Variants in CHEK2 observed in about 807,000 individuals in gnomAD.
The protein encoded by CHEK2 is checkpoint kinase 2.
CHEK2 carries 71 observed loss-of-function variants against 69.1 expected under a neutral mutation model. That is an observed-to-expected ratio of 1.03 (90% confidence interval 0.85 to 1.25). The LOEUF is 1.25. Among genes scored for constraint, CHEK2 ranks in the 50% most tolerant of loss-of-function variants. The pLI, the probability that CHEK2 is intolerant of heterozygous loss-of-function variation, is 0.00. For missense variants in CHEK2, 664 were observed against 649.6 expected, an observed-to-expected ratio of 1.02 and a Z score of -0.24; for synonymous variants, 189 against 226.9, an observed-to-expected ratio of 0.83 and a Z score of 1.50.
intron 4 of CHEK2, among the ~76,000 whole-genome samples, chr22:28,722,031 A>G (rs978038716): frequency 1.3e-5 from 2 of 152,098 alleles, no homozygotes; most frequent in African/African-American, 2.4e-5. Flanking sequence ...ACGCCAGCCT[A>G]TAATTTTTAT....
At chr22:28,736,415 C>T (rs1169162062) in intron 1 of CHEK2, among the ~76,000 whole-genome samples, 1 of 152,198 alleles carries the variant, frequency 6.6e-6, no homozygotes, top group Non-Finnish European at 1.5e-5. Flanking sequence ...AATCTATATT[C>T]CCTGACACCT....
chr22:28,719,264 A>T, intron 5 of CHEK2, 131 bp downstream of exon 5: 2 of 503,488 alleles, frequency 4.0e-6, no homozygotes, highest in Non-Finnish European at 7.1e-6. Flanking sequence ...AAAATAAAAA[A>T]TAATACACAA....
intron 8 of CHEK2, among the ~76,000 whole-genome samples, chr22:28,702,547 T>C (rs2052925602): frequency 6.7e-6 from 1 of 148,638 alleles, no homozygotes; most frequent in Non-Finnish European, 1.5e-5. Context: ...CTTTTTTTTT[T>C]TTTTTTTTTA....
intron 8 of CHEK2, 102 bp downstream of exon 8, chr22:28,703,403 G>A (rs1226119659): frequency 4.2e-6 from 3 of 717,826 alleles, no homozygotes; most frequent in African/African-American, 3.6e-5. Context: ...TACATACGTT[G>A]AGGCCCCCCA....
intron 5 of CHEK2, among the ~76,000 whole-genome samples, chr22:28,713,514 G>A (rs1488376834): frequency 6.6e-6 from 1 of 151,630 alleles, no homozygotes; most frequent in African/African-American, 2.4e-5. Context: ...CCGCCACCAC[G>A]CCCGGCTAAT....
At chr22:28,734,123 A>T (rs1179554915) in intron 2 of CHEK2, among the ~76,000 whole-genome samples, 2 of 152,092 alleles carry the variant, frequency 1.3e-5, no homozygotes, top group Non-Finnish European at 2.9e-5. Flanking sequence ...AAACAGTGGG[A>T]GACCTCTAGA....
intron 1 of CHEK2, among the ~76,000 whole-genome samples, chr22:28,736,635 T>C (rs2054414762): frequency 6.6e-6 from 1 of 152,198 alleles, no homozygotes; most frequent in Non-Finnish European, 1.5e-5. Context: ...ATTAACCTGA[T>C]AGACAGTTAG....
chr22:28,706,427 TTG>T (rs2053144706), intron 7 of CHEK2, among the ~76,000 whole-genome samples: 1 of 151,990 alleles, frequency 6.6e-6, no homozygotes, highest in Non-Finnish European at 1.5e-5. Context: ...GTCAGGTTTT[TTG>T]TGTGTTTTTT....
At chr22:28,697,137 G>A (rs1372164483) in intron 9 of CHEK2, 150 bp from the exon 10 acceptor site, 23 of 649,358 alleles carry the variant, frequency 3.5e-5, no homozygotes, top group South Asian at 1.0e-4. Flanking sequence ...AAACTGTTGG[G>A]GTAAAGTTTA....
Position 28,725,088 on chromosome 22 carries a change from C to G in CHEK2, c.481G>C (p.Glu161Gln), listed in dbSNP as rs1555926951. Residue 161 changes from glutamate (E) to glutamine (Q), a missense_variant, in exon 4 of 15, where the codon GAA becomes CAA. By Grantham distance (29) the Glu-to-Gln change is conservative. Coordinates refer to ENST00000404276, the MANE Select transcript of CHEK2 (RefSeq NM_007194.4). ...AAGGTTCCATTGCCACTGTGATCTT[C>G]TATGTATGCAATGTAAGAGTTTTTA... The part of the protein sequence containing the change: ...GPKNSYIAYI[E>Q]DHSGNGTFVN... The G allele has an allele frequency of 6.2e-7, 1 of 1,614,074 alleles. No homozygotes were observed.
chr22:28,719,559 T>C, intron 4 of CHEK2, 74 bp from the exon 5 acceptor site: 1 of 843,802 alleles, frequency 1.2e-6, no homozygotes, highest in African/African-American at 1.7e-5. Flanking sequence ...TAAAATTTAT[T>C]CATCATATGG....
intron 12 of CHEK2, 65 bp from the exon 13 acceptor site, chr22:28,694,182 G>C (rs2145787601): frequency 9.6e-7 from 1 of 1,045,356 alleles, no homozygotes. Context: ...GAGTATGCCA[G>C]AATTAACAGG....
intron 1 of CHEK2, among the ~76,000 whole-genome samples, chr22:28,740,670 T>C (rs1244601539): frequency 2.6e-5 from 4 of 152,084 alleles, no homozygotes; most frequent in Non-Finnish European, 5.9e-5. Context: ...CTACGGAAAA[T>C]TGCTTCCTTG....
chr22:28,707,834 T>TTC (rs1234206639), intron 7 of CHEK2, among the ~76,000 whole-genome samples: 11 of 142,228 alleles, frequency 7.7e-5, no homozygotes, highest in Admixed American at 2.1e-4. Context: ...GTTTATCTTT[T>TTC]TTTTTTTTTT....
rs1175582301 is a variant in CHEK2, at chr22:28,696,892, A to G, written c.1095+9T>C. On this transcript the variant is annotated intron_variant, in intron 10 of 14. Coordinates refer to ENST00000404276, the MANE Select transcript of CHEK2 (RefSeq NM_007194.4). ...AGGAATAGCCACATACAGAATGCCA[A>G]TTTCTTACCTTTATAAGACAGTCCT... is the stretch of plus-strand genomic sequence containing the variant. 1 of 1,591,910 alleles carries G rather than the reference A, an allele frequency of 6.3e-7. No individual in the cohort carries two copies. Among genetic ancestry groups the G allele is most frequent in the Non-Finnish European group, 8.6e-7 (1 of 1,160,016 alleles).
At chr22:28,718,883 AACAC>A (rs144577000) in intron 5 of CHEK2, among the ~76,000 whole-genome samples, 34,041 of 140,260 alleles carry the variant, frequency 0.24, 4,074 homozygotes, top group Admixed American at 0.28. Context: ...CTCTGACACT[AACAC>A]ACACACACAC....
In CHEK2 at chr22:28,734,598, A is replaced by T. The variant is rs1569171191; in HGVS notation, c.124T>A (p.Ser42Thr). Reference sequence around the variant, plus strand: ...CTGGAGTTTGGCATCGTGCTGGTAGAGGAGCTGGATATGCCCTGGGACTGT... The same window carrying T: ...CTGGAGTTTGGCATCGTGCTGGTAGTGGAGCTGGATATGCCCTGGGACTGT... ...SSQSQGISSS[S>T]TSTMPNSSQS... Residue 42 changes from serine (S) to threonine (T), a missense_variant, in exon 2 of 15, where the codon TCT (serine) becomes ACT (threonine). Ser to Thr is a moderately conservative substitution (Grantham distance 58). Coordinates refer to ENST00000404276, the MANE Select transcript of CHEK2 (RefSeq NM_007194.4). 2.5e-6 allele frequency: 4 copies of T among 1,614,000 alleles called. No individual in the cohort carries two copies. The highest frequency in any genetic ancestry group is 3.4e-6 in the Non-Finnish European group (4 of 1,180,006).
intron 7 of CHEK2, 89 bp from the exon 8 acceptor site, chr22:28,703,655 G>A (rs1379814620): frequency 4.8e-6 from 4 of 836,682 alleles, no homozygotes; most frequent in Non-Finnish European, 7.9e-6. Flanking sequence ...CAGAGGGACA[G>A]GGAGGCCAAG....
intron 7 of CHEK2, among the ~76,000 whole-genome samples, chr22:28,703,840 G>A (rs1455278122): frequency 6.6e-6 from 1 of 152,116 alleles, no homozygotes; most frequent in Non-Finnish European, 1.5e-5. Flanking sequence ...TGAAGGCTAG[G>A]TCTCTTCCCA....
Sources: gnomAD v4.1 joint callset for allele counts (sites outside exome capture counted in the v4.1 genomes callset) on GRCh38, gnomAD v4.1.1 for gene constraint, MANE v1.5 for transcripts, NCBI Gene and HGNC (gene_info 2026-07-23, HGNC 2026-07-21) for gene names.